Variants in ADGRL2 observed in about 807,000 individuals in gnomAD.
ADGRL2 encodes the protein adhesion G protein-coupled receptor L2, also known as calcium-independent alpha-latrotoxin receptor 2.
In ADGRL2, 44 loss-of-function variants were observed where a neutral mutation model predicts 157.4. That is an observed-to-expected ratio of 0.28 (90% confidence interval 0.22 to 0.36). The LOEUF (loss-of-function observed/expected upper bound fraction) is 0.36. Ranked by LOEUF, ADGRL2 falls within the 10% of genes least tolerant of loss-of-function variation. The pLI, the probability that ADGRL2 is intolerant of heterozygous loss-of-function variation, is 1.00. For missense variants in ADGRL2, 1,510 were observed against 1,768.9 expected, an observed-to-expected ratio of 0.85 and a Z score of 2.63; for synonymous variants, 585 against 624.7, an observed-to-expected ratio of 0.94 and a Z score of 0.95.
chr1:81,317,703 T>A (rs1660208406), intron 1 of ADGRL2, among the ~76,000 whole-genome samples: 1 of 152,210 alleles, frequency 6.6e-6, no homozygotes, highest in African/African-American at 2.4e-5. Flanking sequence ...AAATCATAGT[T>A]GCTGGACTGA....
chr1:81,329,279 C>A (rs1271144475), intron 1 of ADGRL2, among the ~76,000 whole-genome samples: 1 of 152,036 alleles, frequency 6.6e-6, no homozygotes, highest in Non-Finnish European at 1.5e-5. Flanking sequence ...TCTCAGAACA[C>A]CCCACCCCCA....
intron 1 of ADGRL2, among the ~76,000 whole-genome samples, chr1:81,716,738 G>C (rs114222341): frequency 0.015 from 2,273 of 152,218 alleles, 64 homozygotes; most frequent in African/African-American, 0.052. Context: ...AAAGGGTAAA[G>C]CAAAAATCAA....
intron 3 of ADGRL2, among the ~76,000 whole-genome samples, chr1:81,609,635 T>TTCCC: frequency 6.6e-6 from 1 of 152,304 alleles, no homozygotes; most frequent in South Asian, 2.1e-4. Flanking sequence ...CTTTTAGGTG[T>TTCCC]TCCCTCCACA....
chr1:81,530,778 C>G lies in ADGRL2; in HGVS notation c.-247-50098C>G, dbSNP rs562229873. Among the ~76,000 whole-genome samples the G allele has an allele frequency of 6.6e-5, 10 of 152,208 alleles. No homozygotes were observed. In the East Asian group the frequency reaches 1.9e-3, roughly 29 times the overall value. On this transcript the variant is annotated intron_variant, in intron 2 of 24. Transcript: ENST00000370721. ...AGGATGAGCTGGAGAAGAAATAGAA[C>G]AGAGTTTAGAAAGTTAAATACCTGG...
intron 1 of ADGRL2, among the ~76,000 whole-genome samples, chr1:81,333,163 CA>C (rs1241178849): frequency 6.6e-6 from 1 of 152,108 alleles, no homozygotes; most frequent in African/African-American, 2.4e-5. Context: ...TAGCATCTAC[CA>C]GAGTGTAACC....
intron 1 of ADGRL2, among the ~76,000 whole-genome samples, chr1:81,736,520 A>G (rs1393257663): frequency 1.3e-5 from 2 of 152,212 alleles, no homozygotes; most frequent in Non-Finnish European, 2.9e-5. Flanking sequence ...CAGCAGAGCT[A>G]AACCCAGTAT....
chr1:81,476,663 T>G (rs2078278970), intron 2 of ADGRL2, among the ~76,000 whole-genome samples: 1 of 152,230 alleles, frequency 6.6e-6, no homozygotes, highest in South Asian at 2.1e-4. Context: ...AGTTGCTATT[T>G]AAAGGATTCC....
At chr1:81,825,360 T>C (rs1431658619) in intron 1 of ADGRL2, among the ~76,000 whole-genome samples, 2 of 151,834 alleles carry the variant, frequency 1.3e-5, no homozygotes, top group East Asian at 3.9e-4. Flanking sequence ...AGACGCTCTC[T>C]TTTTTTTGAG....
chr1:81,307,124 T>C (rs947083561), intron 1 of ADGRL2, among the ~76,000 whole-genome samples: 1 of 152,154 alleles, frequency 6.6e-6, no homozygotes, highest in Non-Finnish European at 1.5e-5. Flanking sequence ...ATCCATGTGA[T>C]TATTTATTGT....
intron 1 of ADGRL2, among the ~76,000 whole-genome samples, chr1:81,347,382 CAG>C (rs1332447437): frequency 6.6e-6 from 1 of 150,878 alleles, no homozygotes; most frequent in African/African-American, 2.4e-5. Context: ...GCCTGGATGA[CAG>C]AGAGAGACTG....
chr1:81,534,878 A>G (rs2079695524), intron 2 of ADGRL2, among the ~76,000 whole-genome samples: 1 of 152,226 alleles, frequency 6.6e-6, no homozygotes. Flanking sequence ...ACAGAATCAA[A>G]TGCAAGTTAT....
In ADGRL2 at chr1:81,927,608, A is replaced by G. The variant is rs904451103; in HGVS notation, c.288-9120A>G. On this transcript the variant is annotated intron_variant, in intron 3 of 23. Coordinates refer to ENST00000686636, the MANE Select transcript of ADGRL2 (RefSeq NM_001366006.2). ...GTAATGATTTCAAAATAAATAACACAGTGTTCTATAATGCAAATTGTATAA... is the reference window on the plus strand; with the variant it reads ...GTAATGATTTCAAAATAAATAACACGGTGTTCTATAATGCAAATTGTATAA... Among the ~76,000 whole-genome samples, 28 of 152,030 alleles carry G rather than the reference A, an allele frequency of 1.8e-4. 1 individual carries two copies. The highest frequency in any genetic ancestry group is 3.9e-4 in the Admixed American group (6 of 15,246).
intron 1 of ADGRL2, among the ~76,000 whole-genome samples, chr1:81,827,909 T>G (rs1171524165): frequency 6.6e-6 from 1 of 152,214 alleles, no homozygotes; most frequent in East Asian, 1.9e-4. Context: ...CTACTTTGTT[T>G]TTCTTATTCT....
intron 3 of ADGRL2, among the ~76,000 whole-genome samples, chr1:81,606,982 C>A (rs755456653): frequency 6.6e-6 from 1 of 152,176 alleles, no homozygotes; most frequent in Non-Finnish European, 1.5e-5. Context: ...GCAACACTTT[C>A]ATGAAGTGAA....
intron 1 of ADGRL2, among the ~76,000 whole-genome samples, chr1:81,831,335 A>G (rs963926501): frequency 6.6e-6 from 1 of 152,200 alleles, no homozygotes; most frequent in Non-Finnish European, 1.5e-5. Flanking sequence ...AATAGTAAAA[A>G]TTAAGTTAAT....
intron 3 of ADGRL2, among the ~76,000 whole-genome samples, chr1:81,929,086 T>C (rs1012989643): frequency 1.3e-5 from 2 of 152,214 alleles, no homozygotes; most frequent in Admixed American, 1.3e-4. Flanking sequence ...ATTTTTTAGT[T>C]TCTGTCATGA....
chr1:81,423,751 A>G (rs1353083934), intron 1 of ADGRL2, among the ~76,000 whole-genome samples: 4 of 152,212 alleles, frequency 2.6e-5, no homozygotes, highest in South Asian at 4.1e-4. Context: ...GTAAAAAGGA[A>G]CCACGTAATT....
At chr1:81,342,872 G>A (rs957018352) in intron 1 of ADGRL2, among the ~76,000 whole-genome samples, 4 of 151,954 alleles carry the variant, frequency 2.6e-5, no homozygotes, top group Admixed American at 6.6e-5. Flanking sequence ...TCTTTGCAAA[G>A]TTCAGCTCTT....
chr1:81,493,411 T>G (rs1021250876), intron 2 of ADGRL2, among the ~76,000 whole-genome samples: 9 of 152,256 alleles, frequency 5.9e-5, no homozygotes, highest in South Asian at 2.1e-4. Flanking sequence ...CCTGCCTATC[T>G]TTAATTTCAG....
Sources: allele counts gnomAD v4.1 joint callset (sites outside exome capture counted in the v4.1 genomes callset), GRCh38; gene constraint gnomAD v4.1.1; transcripts MANE v1.5; gene names NCBI Gene and HGNC (gene_info 2026-07-23, HGNC 2026-07-21).